The following SON variants were observed in gnomAD, a reference collection of about 807,000 sequenced individuals.
SON encodes the protein protein SON.
A neutral mutation model predicts 173.3 loss-of-function variants in SON; 4 were observed. The observed-to-expected ratio is 0.02, with a 90% CI of 0.01 to 0.05. The LOEUF (loss-of-function observed/expected upper bound fraction) is 0.05, where lower values mean the gene tolerates loss of function less well. Ranked by LOEUF, SON falls within the 10% of genes least tolerant of loss-of-function variation. The pLI is 1.00. For synonymous variants in SON, 1,190 were observed against 1,105.9 expected, an observed-to-expected ratio of 1.08 and a Z score of -1.51; for missense variants, 2,626 against 3,055.3, an observed-to-expected ratio of 0.86 and a Z score of 3.31.
Position 33,546,194 on chromosome 21 carries a change from G to A in SON, c.78-19G>A, listed in dbSNP as rs749932303. On this transcript the variant is annotated intron_variant, in intron 1 of 11. Coordinates refer to ENST00000356577, the MANE Select transcript of SON (RefSeq NM_138927.4). ...GTATGATAAAATATTAATGAATTTC[G>A]ATAACTTTTCATGTCAAGTGGAAGG... The A allele has an allele frequency of 3.2e-6, 5 of 1,576,726 alleles. No homozygotes were observed. Among genetic ancestry groups the A allele is most frequent in the East Asian group, 4.5e-5 (2 of 44,344 alleles).
At chr21:33,557,045 G>C (rs375500326) in intron 3 of SON, 111 bp from the exon 4 acceptor site, 2 of 816,658 alleles carry the variant, frequency 2.4e-6, no homozygotes, top group Non-Finnish European at 3.5e-6. Flanking sequence ...AGATACCCAA[G>C]TTCTTCGATG....
chr21:33,544,934 T>C (rs2085580335), intron 1 of SON, among the ~76,000 whole-genome samples: 2 of 152,248 alleles, frequency 1.3e-5, no homozygotes. Flanking sequence ...TAGAGGAATA[T>C]GCAGCTTCTC....
chr21:33,549,194 C>A (rs1363610753), intron 2 of SON, among the ~76,000 whole-genome samples: 1 of 148,364 alleles, frequency 6.7e-6, no homozygotes, highest in East Asian at 2.0e-4. Flanking sequence ...TCCGCCTCAG[C>A]CTCCCAAATA....
rs2085819293 is a variant in SON at position 33,552,347 on chromosome 21, G to A, written c.3116G>A (p.Arg1039His). The A allele has an allele frequency of 1.9e-6, 3 of 1,613,942 alleles. No homozygotes were observed. The highest frequency in any genetic ancestry group is 1.1e-5 in the South Asian group (1 of 91,056). The change falls in exon 3 of 12, where the codon CGC (arginine) becomes CAC (histidine). Residue 1039 changes from arginine (R) to histidine (H), a missense_variant. By Grantham distance (29) the Arg-to-His change is conservative. Around this residue, in one of 13 missense-constraint regions of SON, gnomAD observed 366 missense variants for 448.6 expected, o/e 0.82. Transcript: ENST00000356577. The surrounding 1 kb of genome is among the most constrained non-coding windows in gnomAD (Gnocchi z 5.6). ...CGCTCTATGATGTCAGCCTACGAGC[G>A]CTCTATGATGTCAGCCTACGAGCGC... ...AERSMMSAYE[R>H]SMMSAYERSM...
chr21:33,559,794 A>G lies in SON; in HGVS notation c.6657+19A>G. On this transcript the variant is annotated intron_variant, in intron 6 of 11. Coordinates refer to ENST00000356577, the MANE Select transcript of SON (RefSeq NM_138927.4). This position sits in a 1 kb window ranked among gnomAD's most constrained non-coding sequence, Gnocchi z 4.1. ...CTCAGAGGTAAGTAGGAGGAATATT[A>G]TGTATTTTTCCTTTTTTATACCTGA... is the stretch of plus-strand genomic sequence containing the variant. The G allele has an allele frequency of 6.2e-7, 1 of 1,609,690 alleles. No homozygotes were observed. Among genetic ancestry groups the G allele is most frequent in the Non-Finnish European group, 8.5e-7 (1 of 1,177,440 alleles).
chr21:33,564,508 C>T (rs1227185415), intron 6 of SON, among the ~76,000 whole-genome samples: 1 of 152,066 alleles, frequency 6.6e-6, no homozygotes, highest in African/African-American at 2.4e-5. Flanking sequence ...TTTTGAGGAT[C>T]TTTATGAGGT....
intron 10 of SON, 51 bp downstream of exon 10, chr21:33,575,718 A>T: frequency 6.3e-7 from 1 of 1,576,492 alleles, no homozygotes. Context: ...CCTTGAATTC[A>T]TTATTTGTTG....
intron 2 of SON, among the ~76,000 whole-genome samples, chr21:33,547,630 GAAAC>G (rs997481201): frequency 3.6e-5 from 5 of 137,770 alleles, no homozygotes; most frequent in Admixed American, 1.5e-4. Context: ...TTTGTATTAT[GAAAC>G]AAACAATTAA....
At position 33,554,051 on chromosome 21, in the gene SON, G is replaced by T. The variant is rs2085891785; in HGVS notation, c.4820G>T (p.Gly1607Val). 1 of 1,614,064 alleles carries T rather than the reference G, an allele frequency of 6.2e-7. No individual in the cohort carries two copies. The highest frequency in any genetic ancestry group is 8.5e-7 in the Non-Finnish European group (1 of 1,180,020). The change falls in exon 3 of 12, where the codon GGA becomes GTA. Residue 1607 changes from glycine to valine, a missense_variant. Transcript: ENST00000356577. ...GPFALEPDATGTSKGIEFTTA... is the reference protein window; with the variant it reads ...GPFALEPDATVTSKGIEFTTA... The stretch of plus-strand genomic sequence containing the variant: ...TTTGCTCTGGAACCTGATGCAACAG[G>T]AACTAGTAAGGGTATTGAATTTACC...
In SON at chr21:33,554,258, G is replaced by A. The variant is rs1198190884; in HGVS notation, c.5027G>A (p.Ser1676Asn). 3 of 1,614,108 alleles carry A rather than the reference G, an allele frequency of 1.9e-6. No individual in the cohort carries two copies. Among genetic ancestry groups the A allele is most frequent in the Non-Finnish European group, 2.5e-6 (3 of 1,179,982 alleles). Residue 1676 changes from serine to asparagine, a missense_variant, in exon 3 of 12, where the codon AGT becomes AAT. Physicochemically the swap from Ser to Asn is conservative, Grantham distance 46 (BLOSUM62 1). Around this residue, in one of 13 missense-constraint regions of SON, gnomAD observed 1,006 missense variants for 895.6 expected, o/e 1.12. Coordinates refer to ENST00000356577, the MANE Select transcript of SON (RefSeq NM_138927.4). ...LDLPSNNNLV[S>N]KDTEEPLPVK... ...TTACCATCTAATAATAACCTTGTTA[G>A]TAAGGATACAGAAGAACCATTACCT... is the stretch of plus-strand genomic sequence containing the variant.
intron 6 of SON, among the ~76,000 whole-genome samples, chr21:33,563,776 C>G (rs906473833): frequency 6.6e-6 from 1 of 152,110 alleles, no homozygotes; most frequent in Admixed American, 6.5e-5. Context: ...TCATGAAATG[C>G]ATGTTATATG....
rs959830449 is a variant in SON at position 33,560,103 on chromosome 21, G to A, written c.6657+328G>A. 5 of 1,613,908 alleles carry A rather than the reference G, an allele frequency of 3.1e-6. No homozygotes were observed. Among genetic ancestry groups the A allele is most frequent in the Non-Finnish European group, 4.2e-6 (5 of 1,179,854 alleles). On this transcript the variant is annotated intron_variant, in intron 6 of 11. Transcript: ENST00000356577. ...TATTTAGCTTCCCGATTTGCTTCAAGGCTCTATAGCTCTAGATTTTGGTGG... is the reference window on the plus strand; with the variant it reads ...TATTTAGCTTCCCGATTTGCTTCAAAGCTCTATAGCTCTAGATTTTGGTGG...
intron 8 of SON, among the ~76,000 whole-genome samples, chr21:33,571,369 C>T (rs1017456951): frequency 3.3e-5 from 5 of 152,102 alleles, no homozygotes; most frequent in Admixed American, 6.5e-5. Context: ...ACCTGTCAAA[C>T]GATCATTTTG....
intron 2 of SON, among the ~76,000 whole-genome samples, chr21:33,549,061 G>A (rs1253820609): frequency 1.3e-5 from 2 of 151,020 alleles, no homozygotes; most frequent in Non-Finnish European, 2.9e-5. Flanking sequence ...TTAATTTAAC[G>A]TGAGGTGTTA....
In SON at chr21:33,554,128, A is replaced by G. The variant is rs907941795; in HGVS notation, c.4897A>G (p.Thr1633Ala). 1 of 1,613,756 alleles carries G rather than the reference A, an allele frequency of 6.2e-7. No homozygotes were observed. The highest frequency in any genetic ancestry group is 8.5e-7 in the Non-Finnish European group (1 of 1,179,658). ...TAAATATGATGTTGATTTATCTTTA[A>G]CTACTCAAGATACTGAACATGACAT... Reference protein sequence around the residue: ...VNKYDVDLSLTTQDTEHDMVI... With the variant: ...VNKYDVDLSLATQDTEHDMVI... Residue 1633 changes from threonine to alanine, a missense_variant, in exon 3 of 12, where the codon ACT becomes GCT. By Grantham distance (58) the Thr-to-Ala change is moderately conservative. This residue lies in a region of SON where 1,006 missense variants were observed against 895.6 expected (regional missense o/e 1.12). Transcript: ENST00000356577.
At position 33,553,048 on chromosome 21, in the gene SON, C is replaced by T. The variant is rs749212930; in HGVS notation, c.3817C>T (p.His1273Tyr). ...PVESAVVAEE[H>Y]EVVPERPVTC... ...AGAGTCTGCAGTAGTAGCAGAAGAA[C>T]ATGAAGTTGTTCCAGAGAGACCAGT... is the stretch of plus-strand genomic sequence containing the variant. The change falls in exon 3 of 12, where the codon CAT becomes TAT. Residue 1273 changes from histidine to tyrosine, a missense_variant. Physicochemically the swap from His to Tyr is moderately conservative, Grantham distance 83. Coordinates refer to ENST00000356577, the MANE Select transcript of SON (RefSeq NM_138927.4). 1 of 1,614,198 alleles carries T rather than the reference C, an allele frequency of 6.2e-7. No homozygotes were observed. The highest frequency in any genetic ancestry group is 1.7e-5 in the Admixed American group (1 of 60,026).
In SON at chr21:33,553,580, C is replaced by T; in HGVS notation, c.4349C>T (p.Pro1450Leu). 1 of 1,614,070 alleles carries T rather than the reference C, an allele frequency of 6.2e-7. No individual in the cohort carries two copies. The highest frequency in any genetic ancestry group is 1.1e-5 in the South Asian group (1 of 91,068). ...VQESTVTVSE[P>L]AVTVSEQTQV... ...GAATCGACTGTGACAGTTTCAGAGC[C>T]TGCTGTCACAGTCTCAGAGCAGACT... is the stretch of plus-strand genomic sequence containing the variant. Residue 1450 changes from proline to leucine, a missense_variant, in exon 3 of 12, where the codon CCT (proline) becomes CTT (leucine). By Grantham distance (98) the Pro-to-Leu change is moderately conservative (BLOSUM62 -3). Around this residue, in one of 13 missense-constraint regions of SON, gnomAD observed 1,006 missense variants for 895.6 expected, o/e 1.12. Coordinates refer to ENST00000356577, the MANE Select transcript of SON (RefSeq NM_138927.4).
intron 6 of SON, chr21:33,560,356 G>T: frequency 7.9e-7 from 1 of 1,273,634 alleles, no homozygotes. Context: ...AAATTCTTGT[G>T]TTTAACCTAA....
chr21:33,547,664 C>T (rs1474618575), intron 2 of SON, among the ~76,000 whole-genome samples: 2 of 137,718 alleles, frequency 1.5e-5, no homozygotes, highest in Non-Finnish European at 3.1e-5. Context: ...GTAAGTTTTG[C>T]TTTGGCCTAT....
Sources: allele counts gnomAD v4.1 joint callset (sites outside exome capture counted in the v4.1 genomes callset), GRCh38; gene constraint gnomAD v4.1.1; regional missense constraint gnomAD v4.1.1; non-coding constraint Gnocchi (gnomAD v3.1); transcripts MANE v1.5; gene names NCBI Gene and HGNC (gene_info 2026-07-23, HGNC 2026-07-21).